CRYBA1: variants seen among roughly 807,000 people sequenced by gnomAD.
CRYBA1 encodes the protein beta-crystallin A3.
CRYBA1 carries 25 observed loss-of-function variants against 36.2 expected under a neutral mutation model. The ratio of observed to expected loss-of-function variants is 0.69; its 90% CI spans 0.50 to 0.97. The LOEUF (loss-of-function observed/expected upper bound fraction) is 0.97. Ranked by LOEUF, CRYBA1 falls within the 50% of genes least tolerant of loss-of-function variation. The pLI is 0.00. For missense variants in CRYBA1, 224 were observed against 276.3 expected, an observed-to-expected ratio of 0.81 and a Z score of 1.34; for synonymous variants, 111 against 90.0, an observed-to-expected ratio of 1.23 and a Z score of -1.32.
At chr17:29,253,878 G>C (rs1234896089) in intron 5 of CRYBA1, 96 bp downstream of exon 5, 2 of 1,416,672 alleles carry the variant, frequency 1.4e-6, no homozygotes, top group Non-Finnish European at 2.0e-6. Flanking sequence ...TATCGGTATA[G>C]ATGTCACATT....
Position 29,253,727 on chromosome 17 carries a change from C to CA in CRYBA1, c.447dup (p.Ala150SerfsTer37), listed in dbSNP as rs2068950203. Reference sequence around the variant, plus strand: ...GATCTCTGACGACTACCCCTCCTTGCAAGCCATGGGCTGGTTCAACAACGA... The same window carrying CA: ...GATCTCTGACGACTACCCCTCCTTGCAAAGCCATGGGCTGGTTCAACAACGA... On this transcript the variant is annotated frameshift_variant, in exon 5 of 6. Transcript: ENST00000225387. LOFTEE classifies it high-confidence loss of function. 2 of 1,614,014 alleles carry CA rather than the reference C, an allele frequency of 1.2e-6. No individual in the cohort carries two copies. Among genetic ancestry groups the CA allele is most frequent in the Non-Finnish European group, 1.7e-6 (2 of 1,180,016 alleles).
chr17:29,248,303 A>ATTC (rs1169149427), intron 1 of CRYBA1, among the ~76,000 whole-genome samples: 5 of 151,766 alleles, frequency 3.3e-5, no homozygotes, highest in Non-Finnish European at 7.4e-5. Context: ...GTCACCTGAA[A>ATTC]GCAAGTGAGA....
At chr17:29,251,712 C>A (rs1322663741) in intron 3 of CRYBA1, among the ~76,000 whole-genome samples, 1 of 152,154 alleles carries the variant, frequency 6.6e-6, no homozygotes, top group Non-Finnish European at 1.5e-5. Flanking sequence ...CTCATGGGCT[C>A]AAGCGATCTG....
intron 1 of CRYBA1, 68 bp from the exon 2 acceptor site, chr17:29,249,074 T>C (rs2068918959): frequency 2.9e-6 from 3 of 1,032,562 alleles, no homozygotes. Context: ...CCTTTACCTT[T>C]CAAGGCATTC....
At chr17:29,254,021 CTAAT>C (rs1223400828) in intron 5 of CRYBA1, among the ~76,000 whole-genome samples, 177 bp from the exon 6 acceptor site, 1 of 152,114 alleles carries the variant, frequency 6.6e-6, no homozygotes, top group Admixed American at 6.5e-5. Context: ...ATGATTAAGG[CTAAT>C]TAACTAGCTA....
At chr17:29,247,221 A>T (rs1006450660) in intron 1 of CRYBA1, among the ~76,000 whole-genome samples, 1 of 152,210 alleles carries the variant, frequency 6.6e-6, no homozygotes, top group Non-Finnish European at 1.5e-5. Flanking sequence ...GTTGACATGC[A>T]TCATTCCTGG....
rs980424603 is a variant in CRYBA1 at position 29,253,613 on chromosome 17, C to A, written c.358-27C>A. The A allele has an allele frequency of 2.5e-6, 4 of 1,598,864 alleles. No individual in the cohort carries two copies. The South Asian group carries it at 4.4e-5, about 18-fold the overall frequency. On this transcript the variant is annotated intron_variant, in intron 4 of 5. Transcript: ENST00000225387. ...TGATAGCCATAGCACTAGTACTAAA[C>A]ATTTTAAAACAATTTCTGAATTACA... is the stretch of plus-strand genomic sequence containing the variant.
Position 29,250,210 on chromosome 17 carries a change from A to G in CRYBA1, c.125A>G (p.Gln42Arg), listed in dbSNP as rs1325995880. ...KITIYDQENF[Q>R]GKRMEFTSSC... ...ACCATCTATGATCAGGAGAACTTTC[A>G]GGGCAAGAGGATGGAGTTCACCAGC... Residue 42 changes from glutamine (Q) to arginine (R), a missense_variant, in exon 3 of 6, where the codon CAG becomes CGG. By Grantham distance (43) the Gln-to-Arg change is conservative (BLOSUM62 1). Transcript: ENST00000225387. 1 of 1,608,058 alleles carries G rather than the reference A, an allele frequency of 6.2e-7. No individual in the cohort carries two copies. The highest frequency in any genetic ancestry group is 2.2e-5 in the East Asian group (1 of 44,868).
rs370809022 is a variant in CRYBA1, at chr17:29,253,518, A to C, written c.358-122A>C. 1.2e-4 allele frequency: 95 copies of C among 790,996 alleles called. No individual in the cohort carries two copies. In the African/African-American group the frequency reaches 1.5e-3, roughly 13 times the overall value. 49.0% of individuals were successfully genotyped at this position (790,996 alleles called of 1,614,324 possible). ...TTTTTTCTCACAAATCTGTTGCCTT[A>C]ATCTTTTTAAATTATCATGTGCTTC... On this transcript the variant is annotated intron_variant, in intron 4 of 5. Coordinates refer to ENST00000225387, the MANE Select transcript of CRYBA1 (RefSeq NM_005208.5).
At chr17:29,253,488 G>C in intron 4 of CRYBA1, 152 bp from the exon 5 acceptor site, 1 of 605,432 alleles carries the variant, frequency 1.7e-6, no homozygotes, top group Non-Finnish European at 2.8e-6. Context: ...AAAATTATGG[G>C]TAACTTTTTT....
intron 1 of CRYBA1, among the ~76,000 whole-genome samples, chr17:29,248,756 C>T (rs2068917111): frequency 6.6e-6 from 1 of 151,894 alleles, no homozygotes; most frequent in Non-Finnish European, 1.5e-5. Context: ...CACTTGAGGT[C>T]AGGAGTTTGG....
At position 29,253,708 on chromosome 17, in the gene CRYBA1, TGAC is replaced by T. The variant is rs781476444; in HGVS notation, c.430_432del (p.Asp144del). ...TTATTGGACGCCAGTGGGAGATCTC[TGAC>T]GACTACCCCTCCTTGCAAGCCATGG... On this transcript the variant is annotated inframe_deletion, in exon 5 of 6. Transcript: ENST00000225387. 4 of 1,613,940 alleles carry T rather than the reference TGAC, an allele frequency of 2.5e-6. No homozygotes were observed. The highest frequency in any genetic ancestry group is 2.7e-5 in the African/African-American group (2 of 74,916).
chr17:29,246,874 A>T lies in CRYBA1; in HGVS notation c.11A>T (p.Gln4Leu), dbSNP rs758875312. Residue 4 changes from glutamine to leucine, a missense_variant, in exon 1 of 6, where the codon CAG becomes CTG. Transcript: ENST00000225387. Reference protein sequence around the residue: METQAEQQELETLP... With the variant: METLAEQQELETLP... ...AGCAAGTGGTACCAGATGGAGACCC[A>T]GGCTGAGCAGCAGGAGCTGGGTGAG... 6.8e-6 allele frequency: 11 copies of T among 1,612,472 alleles called. No individual in the cohort carries two copies. The highest frequency in any genetic ancestry group is 7.6e-6 in the Non-Finnish European group (9 of 1,179,692).
chr17:29,252,131 C>T lies in CRYBA1; in HGVS notation c.283C>T (p.Arg95Cys), dbSNP rs375137545. Reference sequence around the variant, plus strand: ...TATCCTGGAGAGAGGAGAATACCCTCGCTGGGATGCCTGGAGTGGGAGTAA... The same window carrying T: ...TATCCTGGAGAGAGGAGAATACCCTTGCTGGGATGCCTGGAGTGGGAGTAA... Reference protein sequence around the residue: ...QFILERGEYPRWDAWSGSNAY... With the variant: ...QFILERGEYPCWDAWSGSNAY... The change falls in exon 4 of 6, where the codon CGC (arginine) becomes TGC (cysteine). Residue 95 changes from arginine (R) to cysteine (C), a missense_variant. Coordinates refer to ENST00000225387, the MANE Select transcript of CRYBA1 (RefSeq NM_005208.5). 3 of 1,614,158 alleles carry T rather than the reference C, an allele frequency of 1.9e-6. No homozygotes were observed. Among genetic ancestry groups the T allele is most frequent in the Admixed American group, 1.7e-5 (1 of 60,018 alleles).
intron 2 of CRYBA1, 112 bp from the exon 3 acceptor site, chr17:29,250,070 A>C: frequency 1.3e-6 from 1 of 775,886 alleles, no homozygotes; most frequent in African/African-American, 1.7e-5. Context: ...CAGGCATCCC[A>C]GGCTACAGCT....
Position 29,250,266 on chromosome 17 carries a change from G to C in CRYBA1, c.181G>C (p.Asp61His), listed in dbSNP as rs745741284. 3.1e-6 allele frequency: 5 copies of C among 1,613,028 alleles called. No homozygotes were observed. The Admixed American group carries it at 6.7e-5, about 22-fold the overall frequency. Residue 61 changes from aspartate to histidine, a missense_variant, in exon 3 of 6, where the codon GAT becomes CAT. Coordinates refer to ENST00000225387, the MANE Select transcript of CRYBA1 (RefSeq NM_005208.5). ...TCCAAATGTCTCTGAGCGCAGTTTT[G>C]ATAATGTCCGGTCCCTGAAGGTGGA... ...SCPNVSERSF[D>H]NVRSLKVESG...
At chr17:29,247,594 C>A (rs1375586484) in intron 1 of CRYBA1, among the ~76,000 whole-genome samples, 1 of 152,114 alleles carries the variant, frequency 6.6e-6, no homozygotes, top group African/African-American at 2.4e-5. Flanking sequence ...TTTCAATGTC[C>A]CCCTGATCCC....
Position 29,252,125 on chromosome 17 carries a change from T to C in CRYBA1, c.277T>C (p.Tyr93His). ...GQQFILERGE[Y>H]PRWDAWSGSN... ...ACAGTTTATCCTGGAGAGAGGAGAATACCCTCGCTGGGATGCCTGGAGTGG... is the reference window on the plus strand; with the variant it reads ...ACAGTTTATCCTGGAGAGAGGAGAACACCCTCGCTGGGATGCCTGGAGTGG... Residue 93 changes from tyrosine (Y) to histidine (H), a missense_variant, in exon 4 of 6, where the codon TAC (tyrosine) becomes CAC (histidine). Tyr to His is a moderately conservative substitution (Grantham distance 83). Transcript: ENST00000225387. 1 of 1,614,162 alleles carries C rather than the reference T, an allele frequency of 6.2e-7. No homozygotes were observed. The highest frequency in any genetic ancestry group is 8.5e-7 in the Non-Finnish European group (1 of 1,180,020).
At chr17:29,247,976 C>T (rs1208312336) in intron 1 of CRYBA1, among the ~76,000 whole-genome samples, 4 of 152,006 alleles carry the variant, frequency 2.6e-5, no homozygotes, top group African/African-American at 4.8e-5. Flanking sequence ...ATTAGCCGGG[C>T]GTGGTGGCAC....
Sources: allele counts gnomAD v4.1 joint callset (sites outside exome capture counted in the v4.1 genomes callset), GRCh38; gene constraint gnomAD v4.1.1; transcripts MANE v1.5; gene names NCBI Gene and HGNC (gene_info 2026-07-23, HGNC 2026-07-21).